The following GNG5 variants were observed in gnomAD, a reference collection of about 807,000 sequenced individuals.
GNG5 encodes G protein subunit gamma 5.
A neutral mutation model predicts 6.2 loss-of-function variants in GNG5; 2 were observed. That is an observed-to-expected ratio of 0.32 (90% CI 0.13 to 1.01). GNG5 has a LOEUF of 1.01. Ranked by LOEUF, GNG5 falls within the 50% of genes least tolerant of loss-of-function variation. The probability of loss-of-function intolerance (pLI) is 0.48; values close to 1 mark genes in which losing one functional copy is unlikely to be tolerated. For synonymous variants in GNG5, 24 were observed against 33.0 expected, an observed-to-expected ratio of 0.73 and a Z score of 0.93; for missense variants, 57 against 80.2, an observed-to-expected ratio of 0.71 and a Z score of 1.10.
intron 2 of GNG5, among the ~76,000 whole-genome samples, chr1:84,502,675 A>G (rs537901816): frequency 2.6e-4 from 40 of 152,318 alleles, no homozygotes; most frequent in African/African-American, 9.6e-4. Context: ...ACATTCTAGC[A>G]AACTATTACT....
In GNG5 at chr1:84,506,147, G is replaced by C. The variant is rs146985944; in HGVS notation, c.-56C>G. 4 of 1,468,538 alleles carry C rather than the reference G, an allele frequency of 2.7e-6. No homozygotes were observed. Among genetic ancestry groups the C allele is most frequent in the South Asian group, 1.2e-5 (1 of 81,678 alleles). The allele number at this position is 1,468,538 out of a possible 1,614,324, so 91.0% of individuals were successfully genotyped here. A position where few individuals can be genotyped will look rare whatever the true frequency, so the allele number is the denominator to read the frequency against. On this transcript the variant is annotated 5_prime_UTR_variant, in exon 2 of 4. Transcript: ENST00000370645. ...GTCGGTGGGTCGTGGGCCGTGGGTC[G>C]GCGGGGCCAGACAACTCAGCGGCGC...
At chr1:84,506,325 G>A in intron 1 of GNG5, 24 bp from the exon 2 acceptor site, 1 of 395,398 alleles carries the variant, frequency 2.5e-6, no homozygotes, top group Non-Finnish European at 4.6e-6. Flanking sequence ...AGGAGAAGGG[G>A]CGGAGCAGTC....
chr1:84,500,937 T>C lies in GNG5; in HGVS notation c.*19+889A>G, dbSNP rs112007255. ...TAAAAAAGTACTATTAGTTTAAGTT[T>C]GCTTCTCATAGGTCAATACTAATGA... On this transcript the variant is annotated intron_variant, in intron 3 of 3. Transcript: ENST00000370645. 1.8e-4 allele frequency among the ~76,000 whole-genome samples: 28 copies of C among 152,318 alleles called. 1 individual carries two copies. Among genetic ancestry groups the C allele is most frequent in the African/African-American group, 6.3e-4 (26 of 41,572 alleles).
At chr1:84,505,171 A>G (rs900903007) in intron 2 of GNG5, among the ~76,000 whole-genome samples, 1 of 152,246 alleles carries the variant, frequency 6.6e-6, no homozygotes, top group Non-Finnish European at 1.5e-5. Flanking sequence ...GGACTGTAAA[A>G]ATCAGGAAAT....
intron 3 of GNG5, among the ~76,000 whole-genome samples, chr1:84,500,852 CTGGACTT>C (rs1344287629): frequency 1.3e-5 from 2 of 152,092 alleles, no homozygotes; most frequent in African/African-American, 4.8e-5. Context: ...AAGCAGCTTC[CTGGACTT>C]TGGAGAAGTC....
intron 3 of GNG5, among the ~76,000 whole-genome samples, chr1:84,500,923 T>G (rs750671284): frequency 6.6e-6 from 1 of 152,210 alleles, no homozygotes; most frequent in Non-Finnish European, 1.5e-5. Context: ...AAAAAAGTAC[T>G]ATTAGTTTAA....
In GNG5 at chr1:84,506,051, A is replaced by G. The variant is rs1682208171; in HGVS notation, c.41T>C (p.Val14Ala). The G allele has an allele frequency of 1.3e-6, 2 of 1,577,342 alleles. No homozygotes were observed. The highest frequency in any genetic ancestry group is 1.1e-5 in the South Asian group (1 of 87,426). ...TCCGGCCTCCAGCCGGAGCTGTTGA[A>G]CCACTTTCTTCATAGCGGCGACGCT... is the stretch of plus-strand genomic sequence containing the variant. ...SSSVAAMKKV[V>A]QQLRLEAGLN... Residue 14 changes from valine to alanine, a missense_variant, in exon 2 of 4, where the codon GTT becomes GCT. By Grantham distance (64) the Val-to-Ala change is moderately conservative. Transcript: ENST00000370645.
intron 3 of GNG5, 86 bp downstream of exon 3, chr1:84,501,740 G>A (rs1682061001): frequency 7.4e-6 from 6 of 812,084 alleles, no homozygotes; most frequent in African/African-American, 3.4e-5. Flanking sequence ...GAAAGGGCAT[G>A]GGATGATCTT....
chr1:84,506,327 G>A (rs556944257), intron 1 of GNG5, 26 bp from the exon 2 acceptor site: 1 of 391,200 alleles, frequency 2.6e-6, no homozygotes, highest in Non-Finnish European at 4.6e-6. Flanking sequence ...GAGAAGGGGC[G>A]GAGCAGTCGG....
At position 84,501,950 on chromosome 1, in the gene GNG5, G is replaced by A. The variant is rs1290337864; in HGVS notation, c.102C>T (p.Asp34=). Residue 34 remains aspartate (D), a synonymous_variant, in exon 3 of 4, where the codon GAC becomes GAT. Coordinates refer to ENST00000370645, the MANE Select transcript of GNG5 (RefSeq NM_005274.3). ...NRVKVSQAAA[D]LKQFCLQNAQ... is the part of the protein sequence containing the mutation. ...CATTCTGCAGACAGAACTGTTTCAA[G>A]TCTGCAGCTGCCTGGGAAACCTATA... 1.2e-6 allele frequency: 2 copies of A among 1,612,026 alleles called. No homozygotes were observed. Among genetic ancestry groups the A allele is most frequent in the South Asian group, 1.1e-5 (1 of 91,032 alleles).
chr1:84,499,956 G>A (rs184849684), intron 3 of GNG5, among the ~76,000 whole-genome samples: 4 of 152,310 alleles, frequency 2.6e-5, no homozygotes, highest in Middle Eastern at 3.4e-3. Flanking sequence ...GTAGCCGGGC[G>A]TGGTGGTGTG....
intron 2 of GNG5, chr1:84,503,699 A>C (rs1477730300): frequency 6.6e-6 from 1 of 152,214 alleles, no homozygotes; most frequent in Non-Finnish European, 1.5e-5. Flanking sequence ...TCGCTTTCAC[A>C]ATTTTCAAGC....
intron 2 of GNG5, among the ~76,000 whole-genome samples, chr1:84,503,384 T>A (rs1169533561): frequency 6.6e-6 from 1 of 152,232 alleles, no homozygotes; most frequent in East Asian, 1.9e-4. Flanking sequence ...ACCTAATAAT[T>A]CTTCATCCTA....
At chr1:84,499,624 A>AC (rs1682012831) in intron 3 of GNG5, among the ~76,000 whole-genome samples, 3 of 152,220 alleles carry the variant, frequency 2.0e-5, no homozygotes, top group Admixed American at 1.3e-4. Flanking sequence ...ATTTAATGAA[A>AC]TAAATTCATT....
In GNG5 at chr1:84,506,138, C is replaced by T. The variant is rs181220524; in HGVS notation, c.-47G>A. The T allele has an allele frequency of 2.4e-3, 3,582 of 1,516,200 alleles. 69 individuals carry two copies. In the African/African-American group the frequency reaches 0.044, roughly 19 times the overall value. The allele number at this position is 1,516,200 out of a possible 1,614,324, so 93.9% of individuals were successfully genotyped here. On this transcript the variant is annotated 5_prime_UTR_variant, in exon 2 of 4. Transcript: ENST00000370645. ...GATTCGTGGGTCGGTGGGTCGTGGG[C>T]CGTGGGTCGGCGGGGCCAGACAACT...
chr1:84,502,960 C>G (rs1316867055), intron 2 of GNG5, among the ~76,000 whole-genome samples: 3 of 152,140 alleles, frequency 2.0e-5, no homozygotes, highest in Non-Finnish European at 4.4e-5. Flanking sequence ...TCCTTAAGTC[C>G]TGTTTGGGTG....
chr1:84,500,741 T>C lies in GNG5; in HGVS notation c.*19+1085A>G, dbSNP rs532940489. Among the ~76,000 whole-genome samples the C allele has an allele frequency of 6.7e-4, 102 of 152,266 alleles. 3 individuals carry two copies. In the South Asian group the frequency reaches 0.019, roughly 29 times the overall value. ...AAACTTAAACATCTTAACCAATCAT[T>C]GTATTTACTGGAAACATGTACTTAT... On this transcript the variant is annotated intron_variant, in intron 3 of 3. Transcript: ENST00000370645.
At chr1:84,505,425 C>T (rs1682163844) in intron 2 of GNG5, among the ~76,000 whole-genome samples, 1 of 152,208 alleles carries the variant, frequency 6.6e-6, no homozygotes, top group Non-Finnish European at 1.5e-5. Flanking sequence ...CTGACCGGAA[C>T]TTTACACTCC....
chr1:84,499,615 T>C (rs1014801513), intron 3 of GNG5, among the ~76,000 whole-genome samples: 2 of 152,200 alleles, frequency 1.3e-5, no homozygotes, highest in Non-Finnish European at 2.9e-5. Context: ...ACAAAGAGTA[T>C]TTAATGAAAT....
Sources: allele counts gnomAD v4.1 joint callset (sites outside exome capture counted in the v4.1 genomes callset), GRCh38; gene constraint gnomAD v4.1.1; transcripts MANE v1.5; gene names NCBI Gene and HGNC (gene_info 2026-07-23, HGNC 2026-07-21).